BMERB1: variants seen among roughly 807,000 people sequenced by gnomAD.
BMERB1 encodes bMERB domain containing 1, also known as bMERB domain-containing protein 1.
Under a neutral mutation model 23.6 loss-of-function variants are expected in BMERB1, and 12 were observed. The observed-to-expected ratio is 0.51, with a 90% CI of 0.33 to 0.82. The LOEUF is 0.82. Ranked by LOEUF, BMERB1 falls within the 40% of genes least tolerant of loss-of-function variation. The pLI, the probability that BMERB1 is intolerant of heterozygous loss-of-function variation, is 0.03. For synonymous variants in BMERB1, 122 were observed against 96.6 expected (o/e 1.26, Z -1.54); for missense variants, 247 against 255.4 (o/e 0.97, Z 0.22).
intron 2 of BMERB1, among the ~76,000 whole-genome samples, chr16:15,564,963 T>TA (rs2030523513): frequency 6.6e-6 from 1 of 152,006 alleles, no homozygotes; most frequent in African/African-American, 2.4e-5. Flanking sequence ...AACTTTGTAG[T>TA]AATCAGAATG....
chr16:15,558,442 G>C (rs1393390479), intron 2 of BMERB1, among the ~76,000 whole-genome samples: 1 of 152,026 alleles, frequency 6.6e-6, no homozygotes, highest in Non-Finnish European at 1.5e-5. Flanking sequence ...TTCATAGGGT[G>C]CATGTTTAGA....
intron 1 of BMERB1, among the ~76,000 whole-genome samples, chr16:15,443,655 A>T (rs975835841): frequency 6.6e-6 from 1 of 151,732 alleles, no homozygotes; most frequent in African/African-American, 2.4e-5. Context: ...TGGTGGCTCG[A>T]GCCTGTAATC....
chr16:15,454,249 C>T (rs549111617), intron 1 of BMERB1, among the ~76,000 whole-genome samples: 73 of 152,282 alleles, frequency 4.8e-4, no homozygotes, highest in African/African-American at 1.7e-3. Context: ...GCTACAGTCA[C>T]GAGAATAGGA....
At chr16:15,549,833 G>A (rs2030032815) in intron 2 of BMERB1, among the ~76,000 whole-genome samples, 1 of 152,124 alleles carries the variant, frequency 6.6e-6, no homozygotes, top group East Asian at 1.9e-4. Context: ...AAATTGCATA[G>A]TTTCTATCAA....
In BMERB1 at chr16:15,557,976, G is replaced by A. The variant is rs151304225; in HGVS notation, c.231-10007G>A. Among the ~76,000 whole-genome samples, 324 of 152,160 alleles carry A rather than the reference G, an allele frequency of 2.1e-3. 3 individuals carry two copies. Among genetic ancestry groups the A allele is most frequent in the Middle Eastern group, 0.017 (5 of 294 alleles). On this transcript the variant is annotated intron_variant, in intron 2 of 5. Coordinates refer to ENST00000300006, the MANE Select transcript of BMERB1 (RefSeq NM_033201.3). The stretch of plus-strand genomic sequence containing the variant: ...AGAGAATGGCTTCAACCTGTGAGGC[G>A]GAGGTTGCAGTGAGCCGAGATCATG...
intron 1 of BMERB1, among the ~76,000 whole-genome samples, chr16:15,448,250 G>T (rs2051008405): frequency 6.6e-6 from 1 of 152,122 alleles, no homozygotes; most frequent in Non-Finnish European, 1.5e-5. Flanking sequence ...CAAAGTCAGG[G>T]GCCCTGGGGA....
intron 1 of BMERB1, among the ~76,000 whole-genome samples, chr16:15,510,734 C>T (rs940222707): frequency 7.2e-5 from 11 of 152,034 alleles, no homozygotes; most frequent in Admixed American, 6.6e-5. Flanking sequence ...CGTAGTCTCA[C>T]TCTGTCCCTC....
chr16:15,580,781 G>T (rs939956569), intron 3 of BMERB1, among the ~76,000 whole-genome samples: 1 of 151,598 alleles, frequency 6.6e-6, no homozygotes, highest in African/African-American at 2.4e-5. Flanking sequence ...TCCTGACCTC[G>T]TGATCCGCCC....
intron 1 of BMERB1, among the ~76,000 whole-genome samples, chr16:15,494,877 CTTTTTTT>C (rs754135430): frequency 3.8e-4 from 36 of 95,160 alleles, no homozygotes; most frequent in East Asian, 1.5e-3. Flanking sequence ...TTTTTTTTAT[CTTTTTTT>C]TTTTTTTTTT....
intron 3 of BMERB1, among the ~76,000 whole-genome samples, chr16:15,578,342 G>A (rs2150976224): frequency 6.6e-6 from 1 of 151,956 alleles, no homozygotes; most frequent in East Asian, 1.9e-4. Context: ...GGGATTACAG[G>A]TTCAGGCCAC....
intron 1 of BMERB1, among the ~76,000 whole-genome samples, chr16:15,449,729 A>G (rs141931349): frequency 1.3e-5 from 2 of 152,066 alleles, no homozygotes; most frequent in East Asian, 3.9e-4. Context: ...TATTTTTACT[A>G]GAGACAAGCT....
chr16:15,444,031 A>G (rs887762090), intron 1 of BMERB1, among the ~76,000 whole-genome samples: 11 of 150,664 alleles, frequency 7.3e-5, no homozygotes, highest in African/African-American at 2.7e-4. Flanking sequence ...GTTTCAAAAG[A>G]GGAAGAGTGT....
At chr16:15,566,226 A>G (rs545661520) in intron 2 of BMERB1, among the ~76,000 whole-genome samples, 1 of 152,356 alleles carries the variant, frequency 6.6e-6, no homozygotes, top group Non-Finnish European at 1.5e-5. Flanking sequence ...GTGTAATGCA[A>G]AATTATAATG....
chr16:15,583,287 T>C, intron 5 of BMERB1, 49 bp downstream of exon 5: 1 of 1,453,940 alleles, frequency 6.9e-7, no homozygotes, highest in Non-Finnish European at 9.7e-7. Flanking sequence ...GAGAAAAGTA[T>C]ATTTCAGGCC....
At chr16:15,436,598 G>A (rs1450311731) in intron 1 of BMERB1, among the ~76,000 whole-genome samples, 1 of 151,820 alleles carries the variant, frequency 6.6e-6, no homozygotes, top group African/African-American at 2.4e-5. Context: ...ATTGTTGACT[G>A]TAGTCATCGT....
chr16:15,567,893 T>C, intron 2 of BMERB1, 90 bp from the exon 3 acceptor site: 1 of 1,239,880 alleles, frequency 8.1e-7, no homozygotes, highest in Non-Finnish European at 1.1e-6. Flanking sequence ...ATAACCCACC[T>C]TTAATAGCTT....
chr16:15,448,782 A>T (rs2051013361), intron 1 of BMERB1, among the ~76,000 whole-genome samples: 1 of 152,180 alleles, frequency 6.6e-6, no homozygotes, highest in African/African-American at 2.4e-5. Flanking sequence ...ACAGAGCAAG[A>T]ATCTGTCTCA....
At chr16:15,513,145 A>G (rs1033242357) in intron 1 of BMERB1, among the ~76,000 whole-genome samples, 3 of 152,108 alleles carry the variant, frequency 2.0e-5, no homozygotes, top group Admixed American at 2.0e-4. Context: ...CACATCACTT[A>G]TATCTCAGCC....
Position 15,586,770 on chromosome 16 carries a change from A to G in BMERB1, c.556A>G (p.Lys186Glu), listed in dbSNP as rs1389471490. The G allele has an allele frequency of 2.5e-6, 4 of 1,612,768 alleles. No individual in the cohort carries two copies. The highest frequency in any genetic ancestry group is 2.5e-6 in the Non-Finnish European group (3 of 1,179,642). The change falls in exon 6 of 6, where the codon AAG becomes GAG. Residue 186 changes from lysine to glutamate, a missense_variant. By Grantham distance (56) the Lys-to-Glu change is moderately conservative (BLOSUM62 1). Transcript: ENST00000300006. ...CCCACCTAGCAAGCCCACGGTGGCC[A>G]AGACGGGGCTGGCACTGATCAAGGA... is the stretch of plus-strand genomic sequence containing the variant. ...EPPPSKPTVA[K>E]TGLALIKDCC... is the part of the protein sequence containing the mutation.
Sources: allele counts gnomAD v4.1 joint callset (sites outside exome capture counted in the v4.1 genomes callset), GRCh38; gene constraint gnomAD v4.1.1; transcripts MANE v1.5; gene names NCBI Gene and HGNC (gene_info 2026-07-23, HGNC 2026-07-21).